TMEM132D: variants seen among roughly 807,000 people sequenced by gnomAD.
The protein encoded by TMEM132D is transmembrane protein 132D.
A neutral mutation model predicts 62.3 loss-of-function variants in TMEM132D; 21 were observed. That is an observed-to-expected ratio of 0.34 (90% CI 0.24 to 0.49). TMEM132D has a LOEUF of 0.49. Among genes scored for constraint, TMEM132D ranks in the 20% least tolerant of loss-of-function variants. The probability of loss-of-function intolerance (pLI) is 0.99; values close to 1 mark genes in which losing one functional copy is unlikely to be tolerated. For synonymous variants in TMEM132D, 621 were observed against 575.6 expected, an observed-to-expected ratio of 1.08 and a Z score of -1.13; for missense variants, 1,346 against 1,402.8, an observed-to-expected ratio of 0.96 and a Z score of 0.65.
At position 129,495,559 on chromosome 12, in the gene TMEM132D, C is replaced by G. The variant is rs1874925218; in HGVS notation, c.1115+35500G>C. ...AAAGCATGAGCTAGACAAGGCCACG[C>G]CCACCAGCAGGTACAGAGAGGTGGC... On this transcript the variant is annotated intron_variant, in intron 3 of 8. Coordinates refer to ENST00000422113, the MANE Select transcript of TMEM132D (RefSeq NM_133448.3). Among the ~76,000 whole-genome samples the G allele has an allele frequency of 5.9e-5, 9 of 152,162 alleles. No homozygotes were observed. In the South Asian group the frequency reaches 1.9e-3, roughly 32 times the overall value.
chr12:129,346,820 C>T (rs1869699839), intron 3 of TMEM132D, among the ~76,000 whole-genome samples: 1 of 152,114 alleles, frequency 6.6e-6, no homozygotes. Context: ...ATTGTCTCAG[C>T]CCAAAAACTC....
At chr12:129,432,633 T>C (rs1031152840) in intron 3 of TMEM132D, among the ~76,000 whole-genome samples, 1 of 152,122 alleles carries the variant, frequency 6.6e-6, no homozygotes, top group Non-Finnish European at 1.5e-5. Flanking sequence ...ATACCAAGAG[T>C]AGACATTTGC....
Position 129,323,573 on chromosome 12 carries a change from A to T in TMEM132D, c.1299+14061T>A, listed in dbSNP as rs1868791514. Among the ~76,000 whole-genome samples, 4 of 152,312 alleles carry T rather than the reference A, an allele frequency of 2.6e-5. No homozygotes were observed. The South Asian group carries it at 8.3e-4, about 32-fold the overall frequency. On this transcript the variant is annotated intron_variant, in intron 4 of 8. Transcript: ENST00000422113. ...CTGGAGCTTAAGATTGTCAAAAAAC[A>T]CTGTTACATGTTTGTCAAATCCTTT...
chr12:129,335,628 A>G (rs1408113509), intron 4 of TMEM132D, among the ~76,000 whole-genome samples: 1 of 152,194 alleles, frequency 6.6e-6, no homozygotes, highest in Non-Finnish European at 1.5e-5. Flanking sequence ...GAAAAATGGA[A>G]AACAGGTACT....
intron 1 of TMEM132D, chr12:129,854,907 T>TCCAGG (rs1263839664): frequency 1.3e-5 from 2 of 152,268 alleles, no homozygotes; most frequent in African/African-American, 2.4e-5. Flanking sequence ...CAGATGACTT[T>TCCAGG]TCAGAAGGCA....
chr12:129,196,384 G>A (rs1729237169), intron 5 of TMEM132D, among the ~76,000 whole-genome samples: 2 of 152,264 alleles, frequency 1.3e-5, no homozygotes, highest in African/African-American at 2.4e-5. Context: ...CCTGCCTCTT[G>A]TATTCTTCTG....
At chr12:129,873,107 G>A (rs1460005361) in intron 1 of TMEM132D, among the ~76,000 whole-genome samples, 2 of 152,174 alleles carry the variant, frequency 1.3e-5, no homozygotes, top group African/African-American at 2.4e-5. Context: ...GTAGGGAGAC[G>A]CTATGAAATT....
intron 2 of TMEM132D, among the ~76,000 whole-genome samples, chr12:129,582,679 T>C (rs367699412): frequency 1.3e-5 from 2 of 149,864 alleles, no homozygotes; most frequent in Non-Finnish European, 3.0e-5. Flanking sequence ...AGTGCAGTGG[T>C]GTGATCTCGG....
chr12:129,119,753 C>T (rs1319072384), intron 5 of TMEM132D, among the ~76,000 whole-genome samples: 1 of 152,098 alleles, frequency 6.6e-6, no homozygotes, highest in Non-Finnish European at 1.5e-5. Context: ...GGAGATACAG[C>T]CATGAATGGT....
intron 3 of TMEM132D, among the ~76,000 whole-genome samples, chr12:129,511,084 C>T (rs1270356891): frequency 1.3e-5 from 2 of 151,950 alleles, no homozygotes; most frequent in African/African-American, 2.4e-5. Context: ...TATAGTTGGC[C>T]GAACTTTGAT....
chr12:129,623,728 C>CATATGCAT, intron 2 of TMEM132D, among the ~76,000 whole-genome samples: 1 of 120,132 alleles, frequency 8.3e-6, no homozygotes, highest in African/African-American at 3.2e-5. Flanking sequence ...TATATACATA[C>CATATGCAT]ATATATACAT....
chr12:129,633,476 T>C (rs974540369), intron 2 of TMEM132D, among the ~76,000 whole-genome samples: 1 of 152,178 alleles, frequency 6.6e-6, no homozygotes, highest in African/African-American at 2.4e-5. Flanking sequence ...CCCAGGAAAT[T>C]GAGCCTACTA....
chr12:129,629,873 G>A (rs984970694), intron 2 of TMEM132D, among the ~76,000 whole-genome samples: 1 of 152,178 alleles, frequency 6.6e-6, no homozygotes, highest in African/African-American at 2.4e-5. Flanking sequence ...GTAGCACACA[G>A]AGTTGAATTT....
chr12:129,110,955 A>C (rs7134308), intron 5 of TMEM132D: 26,655 of 152,262 alleles, frequency 0.18, 4,273 homozygotes, highest in African/African-American at 0.42. Flanking sequence ...TGTGAAAACC[A>C]ACCCAGCTGA....
chr12:129,108,470 G>A (rs1015326178), intron 5 of TMEM132D, among the ~76,000 whole-genome samples: 1 of 152,174 alleles, frequency 6.6e-6, no homozygotes, highest in African/African-American at 2.4e-5. Context: ...ACTTGCAGAC[G>A]ATGTCCCTGG....
At chr12:129,245,801 C>A (rs1424556686) in intron 4 of TMEM132D, among the ~76,000 whole-genome samples, 1 of 152,192 alleles carries the variant, frequency 6.6e-6, no homozygotes, top group East Asian at 1.9e-4. Context: ...TCCTGGAAAG[C>A]AGATCTGCCT....
chr12:129,623,194 TAAC>T (rs996693699), intron 2 of TMEM132D, among the ~76,000 whole-genome samples: 6 of 152,208 alleles, frequency 3.9e-5, no homozygotes, highest in African/African-American at 1.4e-4. Context: ...AGATAATATG[TAAC>T]AACAACCAAC....
At chr12:129,837,166 A>C (rs905559339) in intron 1 of TMEM132D, among the ~76,000 whole-genome samples, 7 of 152,224 alleles carry the variant, frequency 4.6e-5, no homozygotes, top group African/African-American at 1.7e-4. Context: ...GTGTTACCCA[A>C]GTCTAGTAAT....
intron 2 of TMEM132D, among the ~76,000 whole-genome samples, chr12:129,580,906 A>T (rs190640649): frequency 6.6e-6 from 1 of 152,322 alleles, no homozygotes; most frequent in Non-Finnish European, 1.5e-5. Context: ...AATGATTTAT[A>T]GTGATAGCCA....
Sources: allele counts gnomAD v4.1 joint callset (sites outside exome capture counted in the v4.1 genomes callset), GRCh38; gene constraint gnomAD v4.1.1; transcripts MANE v1.5; gene names NCBI Gene and HGNC (gene_info 2026-07-23, HGNC 2026-07-21).